The following EFL1 variants were observed in gnomAD, a reference collection of about 807,000 sequenced individuals.
The protein encoded by EFL1 is elongation factor like GTPase 1.
A neutral mutation model predicts 126.7 loss-of-function variants in EFL1; 76 were observed. That is an observed-to-expected ratio of 0.60 (90% CI 0.50 to 0.73). The LOEUF (loss-of-function observed/expected upper bound fraction) is 0.73, where lower values mean the gene tolerates loss of function less well. EFL1 is among the 30% of genes least tolerant of loss of function. The pLI, the probability that EFL1 is intolerant of heterozygous loss-of-function variation, is 0.00. For synonymous variants in EFL1, 410 were observed against 448.4 expected (o/e 0.91, Z 1.08); for missense variants, 1,128 against 1,343.2 (o/e 0.84, Z 2.50).
intron 15 of EFL1, among the ~76,000 whole-genome samples, chr15:82,175,160 CTGAG>C (rs2074180966): frequency 6.6e-6 from 1 of 152,166 alleles, no homozygotes; most frequent in Admixed American, 6.5e-5. Context: ...CACATTATTA[CTGAG>C]TATTTATTCC....
At position 82,240,260 on chromosome 15, in the gene EFL1, T is replaced by C. The variant is rs539219573; in HGVS notation, c.516+158A>G. Among the ~76,000 whole-genome samples the C allele has an allele frequency of 3.0e-3, 456 of 152,328 alleles. 4 individuals are homozygous for C. Among genetic ancestry groups the C allele is most frequent in the Non-Finnish European group, 4.0e-3 (272 of 68,030 alleles). On this transcript the variant is annotated intron_variant, in intron 6 of 19. Transcript: ENST00000268206. The stretch of plus-strand genomic sequence containing the variant: ...GAGATGGAAAAGACTACTGAGAACA[T>C]GCTTTTTCTATTGCCTCTCTTGTAG...
chr15:82,186,618 T>C (rs2074306509), intron 15 of EFL1, among the ~76,000 whole-genome samples: 1 of 152,224 alleles, frequency 6.6e-6, no homozygotes. Flanking sequence ...ATTTATGTGA[T>C]TTAATCTTTA....
At chr15:82,233,012 CTT>C (rs1179833490) in intron 7 of EFL1, among the ~76,000 whole-genome samples, 2 of 151,880 alleles carry the variant, frequency 1.3e-5, no homozygotes, top group Admixed American at 1.3e-4. Flanking sequence ...AAGTGGTAAA[CTT>C]AAAGATTTTT....
At chr15:82,190,413 T>C (rs1201067289) in intron 15 of EFL1, among the ~76,000 whole-genome samples, 1 of 152,214 alleles carries the variant, frequency 6.6e-6, no homozygotes, top group Non-Finnish European at 1.5e-5. Flanking sequence ...GACAGAAATA[T>C]CACTTTTGTC....
chr15:82,247,329 G>A (rs1452657796), intron 4 of EFL1, among the ~76,000 whole-genome samples: 1 of 152,058 alleles, frequency 6.6e-6, no homozygotes, highest in Admixed American at 6.5e-5. Flanking sequence ...TTGTTGAGAG[G>A]ATAAGCTGTT....
chr15:82,257,786 G>A (rs1015585959), intron 3 of EFL1, among the ~76,000 whole-genome samples: 19 of 152,178 alleles, frequency 1.2e-4, no homozygotes, highest in African/African-American at 4.6e-4. Flanking sequence ...TTCACTCTTT[G>A]TATTTGTTAG....
chr15:82,225,224 A>C lies in EFL1; in HGVS notation c.1233T>G (p.Ile411Met). 1.2e-6 allele frequency: 2 copies of C among 1,612,976 alleles called. No homozygotes were observed. Among genetic ancestry groups the C allele is most frequent in the Non-Finnish European group, 1.7e-6 (2 of 1,179,690 alleles). ...KCGSEDTAPVIIFVSKMFAVD... is the reference protein window; with the variant it reads ...KCGSEDTAPVMIFVSKMFAVD... ...CTGCAAACATTTTGGAAACAAATAT[A>C]ATAACTGGAGCAGTGTCCTCACTTC... Residue 411 changes from isoleucine (I) to methionine (M), a missense_variant, in exon 12 of 20, where the codon ATT becomes ATG. Ile to Met is a conservative substitution (Grantham distance 10). Transcript: ENST00000268206.
chr15:82,191,476 T>C (rs1463313524), intron 15 of EFL1, among the ~76,000 whole-genome samples: 1 of 152,146 alleles, frequency 6.6e-6, no homozygotes, highest in Non-Finnish European at 1.5e-5. Flanking sequence ...TAAAAGCATT[T>C]TGAAAAGCAT....
chr15:82,183,180 T>G (rs1445738529), intron 15 of EFL1, among the ~76,000 whole-genome samples: 1 of 152,226 alleles, frequency 6.6e-6, no homozygotes, highest in Non-Finnish European at 1.5e-5. Flanking sequence ...CGGCAAAAAG[T>G]ACCAATGTCT....
intron 10 of EFL1, 64 bp from the exon 11 acceptor site, chr15:82,227,636 C>T: frequency 6.2e-7 from 1 of 1,606,574 alleles, no homozygotes; most frequent in Non-Finnish European, 8.5e-7. Flanking sequence ...CGAAGATTCA[C>T]TGTATGCACT....
At position 82,151,983 on chromosome 15, in the gene EFL1, C is replaced by G; in HGVS notation, c.2471G>C (p.Trp824Ser). 6.2e-7 allele frequency: 1 copy of G among 1,614,080 alleles called. No individual in the cohort carries two copies. The highest frequency in any genetic ancestry group is 1.3e-5 in the African/African-American group (1 of 75,030). The change falls in exon 18 of 20, where the codon TGG becomes TCG. Residue 824 changes from tryptophan to serine, a missense_variant. By Grantham distance (177) the Trp-to-Ser change is radical. This residue lies in a region of EFL1 where 561 missense variants were observed against 641.7 expected (regional missense o/e 0.87). Transcript: ENST00000268206. ...CCCACATTTTCTTGGGCCAAATGAC[C>G]AGATTTGGTCAACAATGTTCCTCCA... ...RRWRNIVDQI[W>S]SFGPRKCGPN...
chr15:82,257,786 G>C (rs1015585959), intron 3 of EFL1, among the ~76,000 whole-genome samples: 1 of 152,178 alleles, frequency 6.6e-6, no homozygotes, highest in Non-Finnish European at 1.5e-5. Flanking sequence ...TTCACTCTTT[G>C]TATTTGTTAG....
chr15:82,200,568 A>C (rs1380967832), intron 15 of EFL1, among the ~76,000 whole-genome samples: 1 of 134,466 alleles, frequency 7.4e-6, no homozygotes, highest in Non-Finnish European at 1.6e-5. Flanking sequence ...TTCTCTTAAC[A>C]TCAAATGGCC....
At chr15:82,223,697 A>C (rs913418982) in intron 12 of EFL1, among the ~76,000 whole-genome samples, 1 of 152,214 alleles carries the variant, frequency 6.6e-6, no homozygotes, top group Non-Finnish European at 1.5e-5. Context: ...AAAACATCCA[A>C]TATCCTACAT....
chr15:82,212,297 C>T (rs547918243), intron 15 of EFL1, among the ~76,000 whole-genome samples: 2 of 152,280 alleles, frequency 1.3e-5, no homozygotes, highest in Middle Eastern at 6.8e-3. Flanking sequence ...AATCCATAGT[C>T]TTCTTATAAA....
At position 82,214,774 on chromosome 15, in the gene EFL1, G is replaced by C. The variant is rs762118163; in HGVS notation, c.1693C>G (p.Leu565Val). ...MAYCALENLY[L>V]LMGRELEYLE... Reference sequence around the variant, plus strand: ...TATTCCAGTTCCCTTCCCATCAGAAGATACAGGTTTTCCAGAGCACAGTAT... The same window carrying C: ...TATTCCAGTTCCCTTCCCATCAGAACATACAGGTTTTCCAGAGCACAGTAT... The change falls in exon 15 of 20, where the codon CTT (leucine) becomes GTT (valine). Residue 565 changes from leucine (L) to valine (V), a missense_variant. Leu to Val is a conservative substitution (Grantham distance 32). This residue lies in a region of EFL1 where 120 missense variants were observed against 142.1 expected (regional missense o/e 0.84). Coordinates refer to ENST00000268206, the MANE Select transcript of EFL1 (RefSeq NM_024580.6). The C allele has an allele frequency of 2.2e-5, 35 of 1,602,060 alleles. No individual in the cohort carries two copies. Among genetic ancestry groups the C allele is most frequent in the Non-Finnish European group, 2.9e-5 (34 of 1,173,752 alleles).
At chr15:82,180,228 C>G (rs1289213863) in intron 15 of EFL1, among the ~76,000 whole-genome samples, 3 of 152,128 alleles carry the variant, frequency 2.0e-5, no homozygotes, top group Non-Finnish European at 4.4e-5. Context: ...CTTACTGTCT[C>G]TCTACTCAGA....
chr15:82,179,267 G>T (rs1351102085), intron 15 of EFL1, among the ~76,000 whole-genome samples: 1 of 152,220 alleles, frequency 6.6e-6, no homozygotes, highest in Non-Finnish European at 1.5e-5. Context: ...TATGGAAGCA[G>T]TCAGGTCTCC....
At chr15:82,160,458 T>C (rs1209598944) in intron 16 of EFL1, among the ~76,000 whole-genome samples, 5 of 152,194 alleles carry the variant, frequency 3.3e-5, no homozygotes, top group Non-Finnish European at 7.3e-5. Flanking sequence ...ACTAAAATAA[T>C]TATAAGCCAC....
Sources: allele counts gnomAD v4.1 joint callset (sites outside exome capture counted in the v4.1 genomes callset), GRCh38; gene constraint gnomAD v4.1.1; regional missense constraint gnomAD v4.1.1; transcripts MANE v1.5; gene names NCBI Gene and HGNC (gene_info 2026-07-23, HGNC 2026-07-21).